The following CLSTN2 variants were observed in gnomAD, a reference collection of about 807,000 sequenced individuals.
The protein encoded by CLSTN2 is calsyntenin-2.
A neutral mutation model predicts 101.2 loss-of-function variants in CLSTN2; 48 were observed. The ratio of observed to expected loss-of-function variants is 0.47; its 90% CI spans 0.38 to 0.60. The LOEUF (loss-of-function observed/expected upper bound fraction) is 0.60. CLSTN2 is among the 20% of genes least tolerant of loss of function. CLSTN2 has a pLI of 0.00. For synonymous variants in CLSTN2, 481 were observed against 463.6 expected (o/e 1.04, Z -0.48); for missense variants, 1,160 against 1,238.2 (o/e 0.94, Z 0.95).
chr3:139,993,534 C>A (rs1425816931), intron 1 of CLSTN2, among the ~76,000 whole-genome samples: 1 of 152,286 alleles, frequency 6.6e-6, no homozygotes, highest in East Asian at 1.9e-4. Context: ...CAGAGCCTCA[C>A]CTTGATCCCC....
At position 140,045,603 on chromosome 3, in the gene CLSTN2, C is replaced by T. The variant is rs144455394; in HGVS notation, c.109+110120C>T. 4.0e-3 allele frequency among the ~76,000 whole-genome samples: 613 copies of T among 152,078 alleles called. 3 individuals carry two copies. Among genetic ancestry groups the T allele is most frequent in the African/African-American group, 0.012 (497 of 41,472 alleles). On this transcript the variant is annotated intron_variant, in intron 1 of 16. Coordinates refer to ENST00000458420, the MANE Select transcript of CLSTN2 (RefSeq NM_022131.3). ...CTTGCTTCTCTAGTTCTTTTGATTGCGATGTTAGGGTGTCAATTTTAGATC... is the reference window on the plus strand; with the variant it reads ...CTTGCTTCTCTAGTTCTTTTGATTGTGATGTTAGGGTGTCAATTTTAGATC...
intron 2 of CLSTN2, among the ~76,000 whole-genome samples, chr3:140,178,660 C>A (rs1339942911): frequency 6.6e-6 from 1 of 152,190 alleles, no homozygotes; most frequent in African/African-American, 2.4e-5. Flanking sequence ...AGCTCTAAGA[C>A]AGGACACAGG....
At chr3:140,359,269 C>A (rs942519236) in intron 2 of CLSTN2, among the ~76,000 whole-genome samples, 2 of 152,046 alleles carry the variant, frequency 1.3e-5, no homozygotes, top group African/African-American at 4.8e-5. Flanking sequence ...GTTTGGTGGG[C>A]GAGTGAGTGA....
intron 8 of CLSTN2, among the ~76,000 whole-genome samples, chr3:140,477,425 T>G (rs1045327187): frequency 6.6e-6 from 1 of 152,148 alleles, no homozygotes; most frequent in Non-Finnish European, 1.5e-5. Context: ...GTAATTGCAC[T>G]AACTCTTTGT....
At chr3:140,054,789 C>T (rs536837934) in intron 1 of CLSTN2, among the ~76,000 whole-genome samples, 1 of 152,296 alleles carries the variant, frequency 6.6e-6, no homozygotes, top group Admixed American at 6.5e-5. Flanking sequence ...CAAAGGTAGA[C>T]TTTTTGGGGT....
chr3:140,216,394 G>C (rs111246952), intron 2 of CLSTN2, among the ~76,000 whole-genome samples: 3 of 152,200 alleles, frequency 2.0e-5, no homozygotes, highest in Admixed American at 2.0e-4. Context: ...GGCTTCTCAG[G>C]AGGATGCCCA....
At chr3:140,397,672 C>T (rs2088197468) in intron 2 of CLSTN2, among the ~76,000 whole-genome samples, 1 of 152,158 alleles carries the variant, frequency 6.6e-6, no homozygotes, top group Non-Finnish European at 1.5e-5. Flanking sequence ...TATAAGAGCA[C>T]AAATCATGAC....
chr3:140,146,339 A>G (rs2009780738), intron 1 of CLSTN2, among the ~76,000 whole-genome samples: 1 of 152,256 alleles, frequency 6.6e-6, no homozygotes, highest in Non-Finnish European at 1.5e-5. Flanking sequence ...TGTTTTTCTT[A>G]GGAAAAGGAT....
intron 2 of CLSTN2, among the ~76,000 whole-genome samples, chr3:140,367,033 C>T (rs1169217002): frequency 6.6e-6 from 1 of 152,162 alleles, no homozygotes; most frequent in Non-Finnish European, 1.5e-5. Context: ...TGATTAAGCA[C>T]TTGGTGCTGG....
chr3:140,379,198 T>G (rs963717404), intron 2 of CLSTN2, among the ~76,000 whole-genome samples: 1 of 152,232 alleles, frequency 6.6e-6, no homozygotes, highest in Non-Finnish European at 1.5e-5. Context: ...GCTGAGTGTT[T>G]GCCAGCAGGA....
Position 140,374,467 on chromosome 3 carries a change from T to C in CLSTN2, c.233-29162T>C, listed in dbSNP as rs145251562. 1.8e-3 allele frequency among the ~76,000 whole-genome samples: 276 copies of C among 152,326 alleles called. 1 individual carries two copies. The highest frequency in any genetic ancestry group is 5.7e-3 in the African/African-American group (236 of 41,564). ...ATTTCATTAATCTCTATTCTTTGGG[T>C]ATGTTTATTGAAAACACTAATAAAA... On this transcript the variant is annotated intron_variant, in intron 2 of 16. Transcript: ENST00000458420.
At chr3:140,263,723 T>C (rs1468371707) in intron 2 of CLSTN2, among the ~76,000 whole-genome samples, 1 of 152,208 alleles carries the variant, frequency 6.6e-6, no homozygotes, top group African/African-American at 2.4e-5. Flanking sequence ...GCTCAACCTA[T>C]GTATTCAATT....
chr3:140,434,722 A>G (rs1436465655), intron 5 of CLSTN2, among the ~76,000 whole-genome samples: 1 of 152,176 alleles, frequency 6.6e-6, no homozygotes. Context: ...CCTCCAGGGC[A>G]TTTCCGTCCA....
Position 140,051,040 on chromosome 3 carries a change from G to A in CLSTN2, c.109+115557G>A, listed in dbSNP as rs552025551. On this transcript the variant is annotated intron_variant, in intron 1 of 16. Transcript: ENST00000458420. ...GGGGCTGTCCTGGATTGAACACAGC[G>A]TCTAACATTCCCTGGCTGGGCCCGG... Among the ~76,000 whole-genome samples the A allele has an allele frequency of 3.0e-3, 456 of 152,274 alleles. 2 individuals are homozygous for A. Among genetic ancestry groups the A allele is most frequent in the African/African-American group, 9.5e-3 (396 of 41,560 alleles).
chr3:140,576,298 A>G lies in CLSTN2; in HGVS notation c.*10045A>G, dbSNP rs540657456. 9 of 152,292 alleles carry G rather than the reference A, an allele frequency of 5.9e-5. No homozygotes were observed. The highest frequency in any genetic ancestry group is 1.2e-4 in the Non-Finnish European group (8 of 68,026). The allele number at this position is 152,292 out of a possible 1,614,324, so 9.4% of individuals were successfully genotyped here. A position where few individuals can be genotyped will look rare whatever the true frequency, so the allele number is the denominator to read the frequency against. On this transcript the variant is annotated 3_prime_UTR_variant, in exon 17 of 17. Coordinates refer to ENST00000458420, the MANE Select transcript of CLSTN2 (RefSeq NM_022131.3). ...CTGAACACCCAACAGCTGTTTCTAC[A>G]AGCTAAAGTTGTAGCTTCTCTCTAC...
intron 1 of CLSTN2, among the ~76,000 whole-genome samples, chr3:140,037,064 T>C (rs1221125282): frequency 1.3e-5 from 2 of 152,236 alleles, no homozygotes; most frequent in Non-Finnish European, 2.9e-5. Context: ...ACTGCATTTA[T>C]GCACCAAGTT....
chr3:140,097,565 T>C (rs932381131), intron 1 of CLSTN2, among the ~76,000 whole-genome samples: 1 of 152,212 alleles, frequency 6.6e-6, no homozygotes, highest in Admixed American at 6.5e-5. Flanking sequence ...ATCATTCAAA[T>C]GCATACATAG....
intron 2 of CLSTN2, among the ~76,000 whole-genome samples, chr3:140,275,894 G>T (rs1344017706): frequency 6.6e-6 from 1 of 152,124 alleles, no homozygotes; most frequent in East Asian, 1.9e-4. Context: ...ATGTTACAGG[G>T]TTATGCTTGA....
In CLSTN2 at chr3:140,023,108, A is replaced by T. The variant is rs1257109011; in HGVS notation, c.109+87625A>T. ...TCCTGCCTGGCTCCTGGACACTGCC[A>T]CTCACCCAAAACCAGTGGGTTCGTT... On this transcript the variant is annotated intron_variant, in intron 1 of 16. Coordinates refer to ENST00000458420, the MANE Select transcript of CLSTN2 (RefSeq NM_022131.3). Among the ~76,000 whole-genome samples, 2 of 151,990 alleles carry T rather than the reference A, an allele frequency of 1.3e-5. 1 individual carries two copies. Among genetic ancestry groups the T allele is most frequent in the Admixed American group, 1.3e-4 (2 of 15,262 alleles).
Sources: gnomAD v4.1 joint callset for allele counts (sites outside exome capture counted in the v4.1 genomes callset) on GRCh38, gnomAD v4.1.1 for gene constraint, MANE v1.5 for transcripts, NCBI Gene and HGNC (gene_info 2026-07-23, HGNC 2026-07-21) for gene names.